Variants in FYN observed in about 807,000 individuals in gnomAD.
The protein encoded by FYN is tyrosine-protein kinase Fyn.
A neutral mutation model predicts 70.2 loss-of-function variants in FYN; 10 were observed. The ratio of observed to expected loss-of-function variants is 0.14; its 90% CI spans 0.09 to 0.24. The LOEUF (loss-of-function observed/expected upper bound fraction) is 0.24, where lower values mean the gene tolerates loss of function less well. Among genes scored for constraint, FYN ranks in the 10% least tolerant of loss-of-function variants. The pLI, the probability that FYN is intolerant of heterozygous loss-of-function variation, is 1.00. For synonymous variants in FYN, 236 were observed against 248.6 expected (o/e 0.95, Z 0.48); for missense variants, 319 against 673.1 (o/e 0.47, Z 5.82).
chr6:111,821,734 AT>A (rs1772669599), intron 2 of FYN, among the ~76,000 whole-genome samples: 1 of 152,170 alleles, frequency 6.6e-6, no homozygotes, highest in Non-Finnish European at 1.5e-5. Flanking sequence ...CAATCTACTC[AT>A]CTGAAAAAGG....
At chr6:111,690,382 G>A (rs772352666) in intron 12 of FYN, among the ~76,000 whole-genome samples, 7 of 152,134 alleles carry the variant, frequency 4.6e-5, no homozygotes, top group Non-Finnish European at 1.0e-4. Flanking sequence ...GGGCTTGGAG[G>A]ACCAAGACCA....
chr6:111,815,443 T>C (rs189579070), intron 2 of FYN, among the ~76,000 whole-genome samples: 26 of 152,266 alleles, frequency 1.7e-4, no homozygotes, highest in African/African-American at 6.3e-4. Context: ...TAAAAATTTA[T>C]TACAAATAAA....
chr6:111,791,265 T>C (rs1376250282), intron 2 of FYN, among the ~76,000 whole-genome samples: 1 of 152,192 alleles, frequency 6.6e-6, no homozygotes, highest in East Asian at 1.9e-4. Context: ...ACCTAACTTA[T>C]GCAAAGGTGA....
At chr6:111,765,917 T>C (rs1803213215) in intron 3 of FYN, among the ~76,000 whole-genome samples, 1 of 152,104 alleles carries the variant, frequency 6.6e-6, no homozygotes, top group South Asian at 2.1e-4. Flanking sequence ...AGGATCACAT[T>C]TGAAGTGAAA....
intron 13 of FYN, among the ~76,000 whole-genome samples, chr6:111,672,909 T>G (rs1798350338): frequency 6.6e-6 from 1 of 152,178 alleles, no homozygotes. Context: ...GCACCTGCCT[T>G]CCTTCTCCAA....
At chr6:111,698,764 T>C (rs996700489) in intron 9 of FYN, among the ~76,000 whole-genome samples, 2 of 152,194 alleles carry the variant, frequency 1.3e-5, no homozygotes, top group African/African-American at 4.8e-5. Context: ...TATTAACCCA[T>C]GTAATCCTAA....
chr6:111,681,279 C>T lies in FYN; in HGVS notation c.1274-6649G>A, dbSNP rs776812479. ...CTGACCTCAGGTGATCCACCCACCT[C>T]GGCCTCCCAAAGTGCTGCAATTACA... On this transcript the variant is annotated intron_variant, in intron 12 of 13. Coordinates refer to ENST00000354650, the MANE Select transcript of FYN (RefSeq NM_002037.5). Among the ~76,000 whole-genome samples the T allele has an allele frequency of 1.1e-4, 17 of 152,120 alleles. No homozygotes were observed. The East Asian group carries it at 1.5e-3, about 14-fold the overall frequency.
At chr6:111,724,342 A>G (rs1801094069) in intron 3 of FYN, among the ~76,000 whole-genome samples, 1 of 152,170 alleles carries the variant, frequency 6.6e-6, no homozygotes, top group Non-Finnish European at 1.5e-5. Flanking sequence ...TCAATCCTTT[A>G]CTACCACAGG....
intron 3 of FYN, among the ~76,000 whole-genome samples, chr6:111,778,849 T>C (rs889797270): frequency 6.6e-6 from 1 of 151,894 alleles, no homozygotes; most frequent in African/African-American, 2.4e-5. Context: ...AATGCTGGGG[T>C]TTTTTTTCTT....
rs543343458 is a variant in FYN, at chr6:111,746,248, G to C, written c.-11-26186C>G. 1.1e-3 allele frequency among the ~76,000 whole-genome samples: 163 copies of C among 152,206 alleles called. 5 individuals carry two copies. In the South Asian group the frequency reaches 0.032, roughly 30 times the overall value. ...TACAGTTCAATGAGTTCTGACAAAC[G>C]TATATACCTGTATAATCTAAACCCC... On this transcript the variant is annotated intron_variant, in intron 3 of 13. Transcript: ENST00000354650.
intron 3 of FYN, among the ~76,000 whole-genome samples, chr6:111,758,155 G>C (rs1237957862): frequency 6.6e-6 from 1 of 152,124 alleles, no homozygotes; most frequent in African/African-American, 2.4e-5. Context: ...TTTTCTGTTT[G>C]ATTAAATATA....
intron 3 of FYN, among the ~76,000 whole-genome samples, chr6:111,741,696 C>T (rs1485262687): frequency 1.3e-5 from 2 of 152,206 alleles, no homozygotes; most frequent in Admixed American, 6.5e-5. Flanking sequence ...TCCCACCTCT[C>T]GTTTCAGCAG....
intron 3 of FYN, 55 bp from the exon 4 acceptor site, chr6:111,720,117 T>C: frequency 6.5e-7 from 1 of 1,537,286 alleles, no homozygotes; most frequent in Non-Finnish European, 8.8e-7. Context: ...AGTTGCTGGG[T>C]TGCTCTACAG....
intron 2 of FYN, among the ~76,000 whole-genome samples, chr6:111,807,479 T>C (rs1257847063): frequency 1.3e-5 from 2 of 152,212 alleles, no homozygotes; most frequent in Non-Finnish European, 2.9e-5. Flanking sequence ...TTTTAAAGGA[T>C]AGTTCTTCTT....
intron 3 of FYN, among the ~76,000 whole-genome samples, chr6:111,730,754 G>C (rs982616390): frequency 2.6e-5 from 4 of 152,148 alleles, no homozygotes; most frequent in African/African-American, 7.2e-5. Context: ...GAAACACTAG[G>C]CACAGAAGAG....
At chr6:111,759,624 C>T (rs1413053642) in intron 3 of FYN, among the ~76,000 whole-genome samples, 1 of 152,146 alleles carries the variant, frequency 6.6e-6, no homozygotes, top group Non-Finnish European at 1.5e-5. Flanking sequence ...CCCTTCAGGA[C>T]TTTGGTGGGC....
intron 3 of FYN, among the ~76,000 whole-genome samples, chr6:111,725,863 C>A (rs1440990168): frequency 6.6e-6 from 1 of 152,196 alleles, no homozygotes; most frequent in Non-Finnish European, 1.5e-5. Flanking sequence ...GTAGTCACTC[C>A]ATCATCGGGT....
At chr6:111,692,930 C>G (rs747538197) in intron 12 of FYN, among the ~76,000 whole-genome samples, 3 of 152,202 alleles carry the variant, frequency 2.0e-5, no homozygotes, top group Non-Finnish European at 4.4e-5. Flanking sequence ...ATTAGAGATA[C>G]AGCATGCCAT....
At chr6:111,836,310 C>G (rs1183854351) in intron 2 of FYN, among the ~76,000 whole-genome samples, 1 of 152,228 alleles carries the variant, frequency 6.6e-6, no homozygotes, top group Non-Finnish European at 1.5e-5. Context: ...TCTCGAATCT[C>G]AGCTGAGATA....
Sources: gnomAD v4.1 joint callset for allele counts (sites outside exome capture counted in the v4.1 genomes callset) on GRCh38, gnomAD v4.1.1 for gene constraint, MANE v1.5 for transcripts, NCBI Gene and HGNC (gene_info 2026-07-23, HGNC 2026-07-21) for gene names.